The following SUCLA2 variants were observed in gnomAD, a reference collection of about 807,000 sequenced individuals.
SUCLA2 encodes the protein succinate-CoA ligase ADP-forming subunit beta.
A neutral mutation model predicts 54.8 loss-of-function variants in SUCLA2; 30 were observed. The ratio of observed to expected loss-of-function variants is 0.55; its 90% confidence interval spans 0.41 to 0.74. The LOEUF (loss-of-function observed/expected upper bound fraction) is 0.74, where lower values mean the gene tolerates loss of function less well. Among genes scored for constraint, SUCLA2 ranks in the 30% least tolerant of loss-of-function variants. SUCLA2 has a pLI of 0.00. For missense variants in SUCLA2, 476 were observed against 562.9 expected (o/e 0.85, Z 1.56); for synonymous variants, 172 against 188.9 (o/e 0.91, Z 0.74).
At chr13:47,999,116 A>T (rs529474741) in intron 1 of SUCLA2, among the ~76,000 whole-genome samples, 2 of 152,328 alleles carry the variant, frequency 1.3e-5, no homozygotes, top group East Asian at 3.9e-4. Flanking sequence ...CACATAAGTC[A>T]CTAGGTGGCA....
intron 5 of SUCLA2, 102 bp from the exon 6 acceptor site, chr13:47,968,835 G>C (rs1949939240): frequency 9.1e-6 from 12 of 1,323,640 alleles, no homozygotes; most frequent in Non-Finnish European, 1.2e-5. Flanking sequence ...TGATAAACAT[G>C]AGTCATTTAT....
In SUCLA2 at chr13:47,952,607, A is replaced by G. The variant is rs190832516; in HGVS notation, c.1107+1533T>C. Reference sequence around the variant, plus strand: ...TATGAGGCTCCCAGAAAAGAAGAAAAAAAATGAATTTAATGACCCTATCTC... The same window carrying G: ...TATGAGGCTCCCAGAAAAGAAGAAAGAAAATGAATTTAATGACCCTATCTC... On this transcript the variant is annotated intron_variant, in intron 8 of 10. Transcript: ENST00000646932. 3.5e-3 allele frequency among the ~76,000 whole-genome samples: 532 copies of G among 152,164 alleles called. 2 individuals carry two copies. The highest frequency in any genetic ancestry group is 4.8e-3 in the Non-Finnish European group (329 of 67,992).
At chr13:47,996,215 C>T (rs1196649705) in intron 2 of SUCLA2, among the ~76,000 whole-genome samples, 2 of 150,358 alleles carry the variant, frequency 1.3e-5, no homozygotes, top group East Asian at 2.0e-4. Context: ...ACCAGGTACT[C>T]GGGAGGCTGA....
chr13:47,974,343 C>T lies in SUCLA2; in HGVS notation c.535-951G>A, dbSNP rs574716883. Among the ~76,000 whole-genome samples the T allele has an allele frequency of 5.3e-5, 8 of 152,254 alleles. No individual in the cohort carries two copies. In the South Asian group the frequency reaches 8.3e-4, roughly 16 times the overall value. ...GCTCACACCTGTAATCACAGCACTTCGGGACGCCAAGGCAGAAGGACTACT... is the reference window on the plus strand; with the variant it reads ...GCTCACACCTGTAATCACAGCACTTTGGGACGCCAAGGCAGAAGGACTACT... On this transcript the variant is annotated intron_variant, in intron 4 of 10. Transcript: ENST00000646932.
At chr13:47,979,754 C>T (rs956217867) in intron 4 of SUCLA2, among the ~76,000 whole-genome samples, 40 of 152,216 alleles carry the variant, frequency 2.6e-4, no homozygotes, top group African/African-American at 9.6e-4. Context: ...CGCTTCTGTT[C>T]AACACAGCAC....
intron 1 of SUCLA2, chr13:48,000,903 C>A: frequency 7.4e-7 from 1 of 1,342,480 alleles, no homozygotes; most frequent in South Asian, 1.6e-5. Flanking sequence ...CACTCAGAGC[C>A]CACCTGCTCC....
At chr13:47,999,725 A>G (rs79134219) in intron 1 of SUCLA2, among the ~76,000 whole-genome samples, 5 of 141,736 alleles carry the variant, frequency 3.5e-5, no homozygotes, top group Non-Finnish European at 7.7e-5. Flanking sequence ...AAAAAAAAAA[A>G]TGTGGAAAAC....
chr13:47,951,142 C>T (rs1350278097), intron 8 of SUCLA2, among the ~76,000 whole-genome samples: 3 of 152,086 alleles, frequency 2.0e-5, no homozygotes, highest in Non-Finnish European at 2.9e-5. Flanking sequence ...TCAATTTAAA[C>T]GAATTACTAC....
intron 10 of SUCLA2, among the ~76,000 whole-genome samples, chr13:47,944,653 G>A (rs536427544): frequency 1.7e-4 from 26 of 152,154 alleles, no homozygotes; most frequent in African/African-American, 6.3e-4. Flanking sequence ...TAGGCTTTCT[G>A]AAATACTTTC....
At chr13:47,981,631 C>T (rs987167254) in intron 4 of SUCLA2, among the ~76,000 whole-genome samples, 2 of 152,168 alleles carry the variant, frequency 1.3e-5, no homozygotes, top group African/African-American at 4.8e-5. Flanking sequence ...AGCTGGCCAA[C>T]ATAGTGAAAC....
intron 8 of SUCLA2, among the ~76,000 whole-genome samples, chr13:47,950,258 A>C (rs964516929): frequency 2.0e-5 from 3 of 152,210 alleles, no homozygotes; most frequent in Non-Finnish European, 4.4e-5. Context: ...AGTGTTACCA[A>C]GAAAAAAAGC....
intron 4 of SUCLA2, chr13:47,988,141 G>C: frequency 5.2e-6 from 1 of 193,312 alleles, no homozygotes. Flanking sequence ...CCAAGAAGTT[G>C]AGAAAACAGA....
chr13:47,961,289 G>C (rs779123023), intron 6 of SUCLA2, among the ~76,000 whole-genome samples: 15 of 152,034 alleles, frequency 9.9e-5, no homozygotes, highest in Non-Finnish European at 1.8e-4. Flanking sequence ...GGAGTGGGGG[G>C]GGCCAGACAG....
In SUCLA2 at chr13:47,988,870, A is replaced by T. The variant is rs1051603272; in HGVS notation, c.371+12T>A. The T allele has an allele frequency of 1.9e-6, 3 of 1,611,430 alleles. No homozygotes were observed. The African/African-American group carries it at 4.0e-5, about 22-fold the overall frequency. On this transcript the variant is annotated intron_variant, in intron 3 of 10. Transcript: ENST00000646932. Reference sequence around the variant, plus strand: ...TAACAAGGATGATTTTTCCTTAAAAAATGTGACTTACGAGAAAACTATCTT... The same window carrying T: ...TAACAAGGATGATTTTTCCTTAAAATATGTGACTTACGAGAAAACTATCTT...
chr13:47,951,536 C>T (rs1171745673), intron 8 of SUCLA2, among the ~76,000 whole-genome samples: 1 of 152,102 alleles, frequency 6.6e-6, no homozygotes, highest in African/African-American at 2.4e-5. Flanking sequence ...ATAGCTTATT[C>T]AGGGAAAAGT....
chr13:47,982,408 C>T (rs1469617815), intron 4 of SUCLA2, among the ~76,000 whole-genome samples: 1 of 151,796 alleles, frequency 6.6e-6, no homozygotes, highest in African/African-American at 2.4e-5. Flanking sequence ...TGGAGATTAC[C>T]AGGAGCTGGA....
chr13:47,981,676 C>A (rs1382979771), intron 4 of SUCLA2, among the ~76,000 whole-genome samples: 2 of 152,132 alleles, frequency 1.3e-5, no homozygotes, highest in Non-Finnish European at 2.9e-5. Context: ...ACTAGCCGGG[C>A]ATGGTGGTGC....
At chr13:47,966,482 A>G (rs1566085629) in intron 6 of SUCLA2, among the ~76,000 whole-genome samples, 1 of 151,484 alleles carries the variant, frequency 6.6e-6, no homozygotes, top group Non-Finnish European at 1.5e-5. Context: ...TTAGATAATT[A>G]CATTTAAGTT....
At chr13:47,964,335 T>A (rs564744733) in intron 6 of SUCLA2, among the ~76,000 whole-genome samples, 3 of 152,302 alleles carry the variant, frequency 2.0e-5, no homozygotes, top group African/African-American at 7.2e-5. Flanking sequence ...GTAGACAATG[T>A]GAATGCAAAG....
Sources: allele counts gnomAD v4.1 joint callset (sites outside exome capture counted in the v4.1 genomes callset), GRCh38; gene constraint gnomAD v4.1.1; transcripts MANE v1.5; gene names NCBI Gene and HGNC (gene_info 2026-07-23, HGNC 2026-07-21).